UBE2U: variants seen among roughly 807,000 people sequenced by gnomAD.
UBE2U encodes ubiquitin conjugating enzyme E2 U.
In UBE2U, 39 loss-of-function variants were observed where a neutral mutation model predicts 41.2. The observed-to-expected ratio is 0.95, with a 90% CI of 0.73 to 1.24. The LOEUF is 1.24. UBE2U is among the 50% of genes most tolerant of loss of function. The probability of loss-of-function intolerance (pLI) is 0.00; values close to 1 mark genes in which losing one functional copy is unlikely to be tolerated. For synonymous variants in UBE2U, 107 were observed against 117.8 expected, an observed-to-expected ratio of 0.91 and a Z score of 0.60; for missense variants, 336 against 363.1, an observed-to-expected ratio of 0.93 and a Z score of 0.61.
intron 6 of UBE2U, among the ~76,000 whole-genome samples, chr1:64,224,753 G>A (rs1255655223): frequency 6.6e-6 from 1 of 151,558 alleles, no homozygotes; most frequent in Non-Finnish European, 1.5e-5. Context: ...GTGAAAAGTT[G>A]GACACAGAAA....
intron 9 of UBE2U, among the ~76,000 whole-genome samples, chr1:64,262,196 C>A (rs374550944): frequency 6.6e-6 from 1 of 152,150 alleles, no homozygotes; most frequent in African/African-American, 2.4e-5. Flanking sequence ...AGATTCAGTT[C>A]GGGTATTACC....
Position 64,232,473 on chromosome 1 carries a change from T to C in UBE2U, c.507-88T>C, listed in dbSNP as rs1309136532. ...CAGTTTAATATCTTGTGACAAGATA[T>C]TATGTGAACAGTCCATATAGCAGTA... On this transcript the variant is annotated intron_variant, in intron 6 of 9. Transcript: ENST00000371077. 3 of 820,194 alleles carry C rather than the reference T, an allele frequency of 3.7e-6. No homozygotes were observed. In the Admixed American group the frequency reaches 8.3e-5, roughly 23 times the overall value. 50.8% of individuals were successfully genotyped at this position (820,194 alleles called of 1,614,324 possible).
intron 9 of UBE2U, among the ~76,000 whole-genome samples, chr1:64,265,947 T>A (rs373969942): frequency 6.6e-6 from 1 of 152,136 alleles, no homozygotes; most frequent in Non-Finnish European, 1.5e-5. Flanking sequence ...GTCTATAACA[T>A]TAGAAGACAG....
intron 6 of UBE2U, among the ~76,000 whole-genome samples, chr1:64,223,144 G>A (rs1351083933): frequency 2.0e-5 from 3 of 152,150 alleles, no homozygotes; most frequent in Non-Finnish European, 4.4e-5. Flanking sequence ...TGTATACCAG[G>A]CATTGTGCCC....
At chr1:64,238,401 T>TA (rs779337375) in intron 7 of UBE2U, among the ~76,000 whole-genome samples, 182 of 136,118 alleles carry the variant, frequency 1.3e-3, no homozygotes, top group Admixed American at 2.2e-3. Flanking sequence ...GAGACTATCT[T>TA]AAAAAAAAAA....
At chr1:64,239,157 A>AAGGAGAAGAAGAAGGAGAAGAAGAAG in intron 7 of UBE2U, among the ~76,000 whole-genome samples, 3 of 37,064 alleles carry the variant, frequency 8.1e-5, no homozygotes, top group Admixed American at 3.2e-4. Context: ...GAAGAAGAAG[A>AAGGAGAAGAAGAAGGAGAAGAAGAAG]AAGAAGAAGA....
intron 6 of UBE2U, among the ~76,000 whole-genome samples, chr1:64,222,091 C>CAAAAAAA (rs10632119): frequency 2.7e-4 from 26 of 97,976 alleles, no homozygotes; most frequent in African/African-American, 6.7e-4. Flanking sequence ...GACTCCATCT[C>CAAAAAAA]AAAAAAAAAA....
intron 4 of UBE2U, among the ~76,000 whole-genome samples, chr1:64,213,056 G>A (rs1651756697): frequency 6.6e-6 from 1 of 152,064 alleles, no homozygotes; most frequent in Admixed American, 6.6e-5. Context: ...CTGTTACTAG[G>A]AAAGAGCTTT....
At chr1:64,257,070 C>T (rs899716012) in intron 8 of UBE2U, among the ~76,000 whole-genome samples, 1 of 152,160 alleles carries the variant, frequency 6.6e-6, no homozygotes, top group Non-Finnish European at 1.5e-5. Context: ...AACCACAGCT[C>T]ATGCCAGTCA....
At chr1:64,228,690 T>C (rs1409425514) in intron 6 of UBE2U, among the ~76,000 whole-genome samples, 1,873 of 133,194 alleles carry the variant, frequency 0.014, 32 homozygotes, top group African/African-American at 0.039. Flanking sequence ...CTCTCTCTTT[T>C]TTTTTTTTTT....
At position 64,204,742 on chromosome 1, in the gene UBE2U, A is replaced by G. The variant is rs1007658897; in HGVS notation, c.66+626A>G. On this transcript the variant is annotated intron_variant, in intron 1 of 9. Coordinates refer to ENST00000371077, the MANE Select transcript of UBE2U (RefSeq NM_001366232.2). ...AAAATGGAAGAGGGGGCGAAGAGGG[A>G]GTGCTTAAGAGAAAGAACAGAAAGA... Among the ~76,000 whole-genome samples the G allele has an allele frequency of 6.6e-5, 10 of 152,340 alleles. No individual in the cohort carries two copies. In the East Asian group the frequency reaches 1.9e-3, roughly 29 times the overall value.
chr1:64,256,887 C>T (rs1645101648), intron 8 of UBE2U, among the ~76,000 whole-genome samples: 1 of 146,744 alleles, frequency 6.8e-6, no homozygotes, highest in African/African-American at 2.5e-5. Flanking sequence ...CCAGCATCTA[C>T]AAGGGACTTA....
chr1:64,214,922 G>T lies in UBE2U; in HGVS notation c.447G>T (p.Arg149Ser), dbSNP rs1287864853. The change falls in exon 5 of 10, where the codon AGG becomes AGT. Residue 149 changes from arginine to serine, a missense_variant. Arg to Ser is a moderately radical substitution (Grantham distance 110). Coordinates refer to ENST00000371077, the MANE Select transcript of UBE2U (RefSeq NM_001366232.2). ...LYRTILRLFN[R>S]PLQMKDDSQE... ...GAACAATTCTAAGACTTTTCAACAG[G>T]CCATTACAAAGTAAGAAGTATCTAC... 1 of 1,613,480 alleles carries T rather than the reference G, an allele frequency of 6.2e-7. No individual in the cohort carries two copies. The highest frequency in any genetic ancestry group is 8.5e-7 in the Non-Finnish European group (1 of 1,179,450).
Position 64,204,121 on chromosome 1 carries a change from G to C in UBE2U, c.66+5G>C. 6.2e-7 allele frequency: 1 copy of C among 1,611,924 alleles called. No homozygotes were observed. Among genetic ancestry groups the C allele is most frequent in the Non-Finnish European group, 8.5e-7 (1 of 1,178,596 alleles). The stretch of plus-strand genomic sequence containing the variant: ...CTCAAGGAGAACAATTATAAGGTAA[G>C]TACTGGGCACGTGGAGAGATGTGTT... On this transcript the variant is annotated splice_donor_5th_base_variant and intron_variant, in intron 1 of 9. Coordinates refer to ENST00000371077, the MANE Select transcript of UBE2U (RefSeq NM_001366232.2).
intron 7 of UBE2U, among the ~76,000 whole-genome samples, chr1:64,237,513 C>G (rs773065388): frequency 1.7e-4 from 26 of 152,266 alleles, no homozygotes; most frequent in Non-Finnish European, 2.9e-4. Context: ...CCTTTCTTCT[C>G]TCTGTCTCTC....
intron 7 of UBE2U, among the ~76,000 whole-genome samples, chr1:64,234,940 C>T (rs1446356725): frequency 6.6e-6 from 1 of 152,048 alleles, no homozygotes; most frequent in Non-Finnish European, 1.5e-5. Context: ...GAGTCAAACT[C>T]CTTCCACCAA....
intron 8 of UBE2U, among the ~76,000 whole-genome samples, chr1:64,249,133 T>C (rs1644966051): frequency 1.3e-5 from 2 of 151,620 alleles, no homozygotes; most frequent in African/African-American, 4.8e-5. Context: ...TCCCAGCACT[T>C]TGGGAGGACA....
intron 4 of UBE2U, among the ~76,000 whole-genome samples, chr1:64,213,621 C>T (rs561572329): frequency 3.4e-4 from 51 of 152,204 alleles, no homozygotes; most frequent in Non-Finnish European, 6.3e-4. Flanking sequence ...CCTTGATTTC[C>T]TGGAGCATAC....
At position 64,232,644 on chromosome 1, in the gene UBE2U, C is replaced by G. The variant is rs1315008983; in HGVS notation, c.590C>G (p.Thr197Ser). The change falls in exon 7 of 10, where the codon ACT (threonine) becomes AGT (serine). Residue 197 changes from threonine to serine, a missense_variant. Physicochemically the swap from Thr to Ser is moderately conservative, Grantham distance 58 (BLOSUM62 1). Transcript: ENST00000371077. ...ATSKATEYYR[T>S]PLLKVPNFIG... ...TCAAAAGCCACAGAATACTACAGAA[C>G]TCCATGTAAGGTGAACTATCCTTAT... The G allele has an allele frequency of 1.2e-6, 2 of 1,610,718 alleles. No individual in the cohort carries two copies. The highest frequency in any genetic ancestry group is 8.5e-7 in the Non-Finnish European group (1 of 1,177,506).
Sources: gnomAD v4.1 joint callset for allele counts (sites outside exome capture counted in the v4.1 genomes callset) on GRCh38, gnomAD v4.1.1 for gene constraint, MANE v1.5 for transcripts, NCBI Gene and HGNC (gene_info 2026-07-23, HGNC 2026-07-21) for gene names.